Variants in CHD4 observed in about 807,000 individuals in gnomAD.
CHD4 encodes the protein ATP-dependent chromatin remodeler CHD4.
A neutral mutation model predicts 235.5 loss-of-function variants in CHD4; 35 were observed. The observed-to-expected ratio is 0.15, with a 90% CI of 0.11 to 0.20. The LOEUF is 0.20. Ranked by LOEUF, CHD4 falls within the 10% of genes least tolerant of loss-of-function variation. The pLI is 1.00. For synonymous variants in CHD4, 900 were observed against 850.2 expected, an observed-to-expected ratio of 1.06 and a Z score of -1.02; for missense variants, 1,329 against 2,432.3, an observed-to-expected ratio of 0.55 and a Z score of 9.54.
rs2136213365 is a variant in CHD4 at position 6,591,457 on chromosome 12, C to A, written c.3340+9G>T. ...GATTCCTGAAACTAAACAACTCCTT[C>A]TCTCTCACCATTGAAGCGGTCAATG... On this transcript the variant is annotated intron_variant, in intron 22 of 39. Coordinates refer to ENST00000544040, the MANE Select transcript of CHD4 (RefSeq NM_001273.5). The A allele has an allele frequency of 1.2e-6, 2 of 1,607,154 alleles. No homozygotes were observed. The highest frequency in any genetic ancestry group is 1.7e-6 in the Non-Finnish European group (2 of 1,174,814).
intron 1 of CHD4, 154 bp from the exon 2 acceptor site, chr12:6,606,605 C>CA: frequency 2.4e-6 from 1 of 410,178 alleles, no homozygotes; most frequent in South Asian, 5.2e-5. Context: ...TCCTCGGGGG[C>CA]AGCCCGGAAG....
At chr12:6,603,093 AC>A (rs1948627580) in intron 2 of CHD4, 1 of 151,956 alleles carries the variant, frequency 6.6e-6, no homozygotes, top group Non-Finnish European at 1.5e-5. Context: ...CCCATCTCCA[AC>A]CCTAATGTTC....
intron 12 of CHD4, among the ~76,000 whole-genome samples, 155 bp downstream of exon 12, chr12:6,597,739 C>T (rs776768264): frequency 7.2e-5 from 11 of 152,194 alleles, no homozygotes; most frequent in Admixed American, 2.6e-4. Flanking sequence ...GCACTCCAGC[C>T]TGGGCACAGA....
chr12:6,590,932 G>A (rs1430700540), intron 22 of CHD4, among the ~76,000 whole-genome samples: 1 of 151,834 alleles, frequency 6.6e-6, no homozygotes, highest in East Asian at 1.9e-4. Flanking sequence ...AGACCATCTT[G>A]GCCAACATGG....
At chr12:6,606,633 G>A in intron 1 of CHD4, 182 bp from the exon 2 acceptor site, 2 of 377,064 alleles carry the variant, frequency 5.3e-6, no homozygotes, top group Admixed American at 4.8e-5. Flanking sequence ...CCCGGCAGGC[G>A]CCCCCACGGA....
At chr12:6,606,676 T>TG (rs1948706700) in intron 1 of CHD4, 1 of 278,416 alleles carries the variant, frequency 3.6e-6, no homozygotes, top group Non-Finnish European at 6.7e-6. Flanking sequence ...GGCAGGCTGG[T>TG]GCAAGCGCGG....
intron 13 of CHD4, 65 bp from the exon 14 acceptor site, chr12:6,595,495 G>A (rs965974866): frequency 1.5e-5 from 21 of 1,391,764 alleles, no homozygotes; most frequent in Non-Finnish European, 2.0e-5. Flanking sequence ...AACTTGGCCA[G>A]GCACAGTGGC....
chr12:6,572,624 T>C (rs1458697313), intron 38 of CHD4, among the ~76,000 whole-genome samples: 1 of 146,916 alleles, frequency 6.8e-6, no homozygotes, highest in Non-Finnish European at 1.5e-5. Context: ...TGGCACAATC[T>C]TGGCTCACTG....
intron 2 of CHD4, among the ~76,000 whole-genome samples, chr12:6,605,352 G>A (rs1032584612): frequency 6.6e-6 from 1 of 152,168 alleles, no homozygotes; most frequent in African/African-American, 2.4e-5. Context: ...TAGGGGCTCT[G>A]AAAAAGGACA....
intron 29 of CHD4, 108 bp downstream of exon 29, chr12:6,582,507 A>G (rs1340641361): frequency 2.7e-6 from 4 of 1,479,894 alleles, no homozygotes; most frequent in Non-Finnish European, 3.6e-6. Context: ...CAACTTCAAC[A>G]GAGAAAATAG....
At chr12:6,574,507 TAAAA>T (rs1592257881) in intron 37 of CHD4, among the ~76,000 whole-genome samples, 2 of 152,302 alleles carry the variant, frequency 1.3e-5, no homozygotes, top group African/African-American at 4.8e-5. Flanking sequence ...TTTAATTACT[TAAAA>T]AATATATTCA....
At chr12:6,591,650 G>C (rs200373551) in intron 21 of CHD4, 44 bp downstream of exon 21, 61 of 1,613,808 alleles carry the variant, frequency 3.8e-5, no homozygotes, top group Non-Finnish European at 5.2e-5. Context: ...GGTCACTAAG[G>C]GTTGTCTATG....
rs749140179 is a variant in CHD4, at chr12:6,600,530, A to G, written c.1063+4T>C. On this transcript the variant is annotated splice_donor_region_variant and intron_variant, in intron 8 of 39. Coordinates refer to ENST00000544040, the MANE Select transcript of CHD4 (RefSeq NM_001273.5). ...CATCACAAATATACAGAAGAGAAAC[A>G]CACCTTTCTTTTTCTTTTTAGTGGT... is the stretch of plus-strand genomic sequence containing the variant. The G allele has an allele frequency of 3.7e-6, 6 of 1,613,286 alleles. No individual in the cohort carries two copies. Among genetic ancestry groups the G allele is most frequent in the Middle Eastern group, 1.6e-4 (1 of 6,062 alleles).
intron 34 of CHD4, 102 bp from the exon 35 acceptor site, chr12:6,578,648 C>G: frequency 6.4e-6 from 10 of 1,551,664 alleles, no homozygotes; most frequent in Non-Finnish European, 8.8e-6. Context: ...CACCTACACC[C>G]CTTCTCCACC....
chr12:6,595,323 C>A lies in CHD4; in HGVS notation c.2121+11G>T, dbSNP rs759722348. ...ACCCAACAAACTACAGTCCCTTCCA[C>A]CCCCACTCACATCAACTGTTGGCGT... is the stretch of plus-strand genomic sequence containing the variant. On this transcript the variant is annotated intron_variant, in intron 14 of 39. Transcript: ENST00000544040. The A allele has an allele frequency of 1.9e-6, 3 of 1,610,910 alleles. No individual in the cohort carries two copies. Among genetic ancestry groups the A allele is most frequent in the Admixed American group, 1.7e-5 (1 of 59,998 alleles).
chr12:6,590,242 T>C (rs1948370625), intron 22 of CHD4: 1 of 152,072 alleles, frequency 6.6e-6, no homozygotes, highest in East Asian at 1.9e-4. Flanking sequence ...TAAAGAAATG[T>C]CACAGATAGC....
At chr12:6,594,050 G>A (rs1176221863) in intron 15 of CHD4, among the ~76,000 whole-genome samples, 1 of 152,102 alleles carries the variant, frequency 6.6e-6, no homozygotes, top group African/African-American at 2.4e-5. Flanking sequence ...GGTCAGGCTG[G>A]TCTCGAACTC....
At position 6,596,058 on chromosome 12, in the gene CHD4, C is replaced by T. The variant is rs1565614195; in HGVS notation, c.1972G>A (p.Asp658Asn). The T allele has an allele frequency of 6.2e-7, 1 of 1,614,034 alleles. No individual in the cohort carries two copies. Among genetic ancestry groups the T allele is most frequent in the Non-Finnish European group, 8.5e-7 (1 of 1,179,998 alleles). Residue 658 changes from aspartate (D) to asparagine (N), a missense_variant, in exon 13 of 40, where the codon GAT becomes AAT. This residue lies in a region of CHD4 where 121 missense variants were observed against 177.8 expected (regional missense o/e 0.68). Transcript: ENST00000544040. ...AGGTCGTAATCCTGGATCTCCACAT[C>T]CTCACTCTCCCAAGAAGCCTGATCG... is the stretch of plus-strand genomic sequence containing the variant. ...PYDQASWESE[D>N]VEIQDYDLFK... is the part of the protein sequence containing the mutation.
chr12:6,573,720 C>G (rs997300398), intron 37 of CHD4, among the ~76,000 whole-genome samples: 1 of 152,072 alleles, frequency 6.6e-6, no homozygotes, highest in Non-Finnish European at 1.5e-5. Context: ...TCTTTATCAA[C>G]TACTCTTCAA....
Sources: gnomAD v4.1 joint callset for allele counts (sites outside exome capture counted in the v4.1 genomes callset) on GRCh38, gnomAD v4.1.1 for gene constraint, gnomAD v4.1.1 regional missense constraint, MANE v1.5 for transcripts, NCBI Gene and HGNC (gene_info 2026-07-23, HGNC 2026-07-21) for gene names.